The following LRRC37A2 variants were observed in gnomAD, a reference collection of about 807,000 sequenced individuals.
The protein encoded by LRRC37A2 is leucine rich repeat containing 37 member A2, also known as leucine-rich repeat-containing protein 37A2.
LRRC37A2 carries 9 observed loss-of-function variants against 68.8 expected under a neutral mutation model. The observed-to-expected ratio is 0.13, with a 90% CI of 0.08 to 0.23. LRRC37A2 has a LOEUF of 0.23. Ranked by LOEUF, LRRC37A2 falls within the 10% of genes least tolerant of loss-of-function variation. The pLI is 1.00. For synonymous variants in LRRC37A2, 63 were observed against 367.6 expected (o/e 0.17, Z 9.48); for missense variants, 168 against 950.4 (o/e 0.18, Z 10.82).
At chr17:46,458,721 A>C in the LRRC37A2 span, among the ~76,000 whole-genome samples, 1 of 104,986 alleles carries the variant, frequency 9.5e-6, no homozygotes, top group East Asian at 2.4e-4. Flanking sequence ...TTGTATTTTT[A>C]CTAGAGATGG....
the LRRC37A2 span, chr17:46,768,426 G>C: frequency 6.2e-7 from 1 of 1,613,856 alleles, no homozygotes; most frequent in Non-Finnish European, 8.5e-7. This position sits in a 1 kb window ranked among gnomAD's most constrained non-coding sequence, Gnocchi z 5.0. Flanking sequence ...CTCCGTCCTC[G>C]TGTTGTGGCC....
At chr17:47,030,085 A>C in the LRRC37A2 span, among the ~76,000 whole-genome samples, 25 of 49,548 alleles carry the variant, frequency 5.0e-4, no homozygotes, top group African/African-American at 1.3e-3. Context: ...TAATAATAAT[A>C]ATAATCATCA....
chr17:46,728,773 CAA>C, the LRRC37A2 span: 1,020 of 713,482 alleles, frequency 1.4e-3, no homozygotes, highest in South Asian at 3.0e-3. Flanking sequence ...ACTTTTGATG[CAA>C]AAAAAAAAAA....
At chr17:46,782,671 C>G in the LRRC37A2 span, among the ~76,000 whole-genome samples, 1 of 152,182 alleles carries the variant, frequency 6.6e-6, no homozygotes. Flanking sequence ...GGGGCTGGGC[C>G]TGGTGGGCTC....
chr17:46,788,435 T>C, the LRRC37A2 span, among the ~76,000 whole-genome samples: 1 of 152,134 alleles, frequency 6.6e-6, no homozygotes, highest in Admixed American at 6.5e-5. Flanking sequence ...CACATTGCTA[T>C]ACCCTTCAAG....
At chr17:46,704,057 C>T in the LRRC37A2 span, among the ~76,000 whole-genome samples, 1 of 144,280 alleles carries the variant, frequency 6.9e-6, no homozygotes, top group Non-Finnish European at 1.5e-5. Flanking sequence ...AATAATATTC[C>T]ATTGTATGTA....
the LRRC37A2 span, among the ~76,000 whole-genome samples, chr17:46,946,179 T>A: frequency 6.6e-6 from 1 of 150,724 alleles, no homozygotes. Flanking sequence ...CTCATGCCTG[T>A]AATCCCAGCA....
At chr17:46,944,669 G>A in the LRRC37A2 span, among the ~76,000 whole-genome samples, 5 of 150,666 alleles carry the variant, frequency 3.3e-5, no homozygotes, top group African/African-American at 4.9e-5. Context: ...GTGCAATCTC[G>A]GCTCACTGCA....
chr17:46,771,691 C>T, the LRRC37A2 span, among the ~76,000 whole-genome samples: 3 of 143,634 alleles, frequency 2.1e-5, no homozygotes, highest in Admixed American at 6.8e-5. Flanking sequence ...GGGCGGCTCC[C>T]GCGGCCGGGC....
At chr17:46,812,260 G>A in the LRRC37A2 span, among the ~76,000 whole-genome samples, 1 of 152,176 alleles carries the variant, frequency 6.6e-6, no homozygotes, top group Non-Finnish European at 1.5e-5. Context: ...ACAGCCAAAG[G>A]GACAGGGAGG....
At chr17:46,946,289 AAAAAAAAAAAAAAG>A in the LRRC37A2 span, among the ~76,000 whole-genome samples, 1 of 50,180 alleles carries the variant, frequency 2.0e-5, no homozygotes, top group Admixed American at 2.5e-4. Context: ...TACCAAAAAA[AAAAAAAAAAAAAAG>A]AAAAGAAAAA....
the LRRC37A2 span, chr17:46,963,610 T>A: frequency 4.9e-4 from 74 of 151,996 alleles, no homozygotes; most frequent in African/African-American, 1.7e-3. Context: ...ACACACTTCA[T>A]AACAAGCACT....
At chr17:46,945,404 G>T in the LRRC37A2 span, among the ~76,000 whole-genome samples, 1 of 152,276 alleles carries the variant, frequency 6.6e-6, no homozygotes, top group East Asian at 1.9e-4. Context: ...ATCTTTTGAG[G>T]TGCAACGTAG....
At chr17:46,502,939 G>A in the LRRC37A2 span, among the ~76,000 whole-genome samples, 3,054 of 150,384 alleles carry the variant, frequency 0.02, 286 homozygotes, top group African/African-American at 0.073. Flanking sequence ...ATTGCCAGGC[G>A]TGGTGGCTCA....
At chr17:46,493,886 C>T in the LRRC37A2 span, among the ~76,000 whole-genome samples, 1 of 150,802 alleles carries the variant, frequency 6.6e-6, no homozygotes, top group Non-Finnish European at 1.5e-5. Flanking sequence ...CGCTGGAGTG[C>T]AGTGGCATGA....
At chr17:46,791,450 G>A in the LRRC37A2 span, among the ~76,000 whole-genome samples, 47 of 151,988 alleles carry the variant, frequency 3.1e-4, no homozygotes, top group Non-Finnish European at 5.4e-4. Context: ...CAAGTGATCC[G>A]CCCGCCTCAG....
chr17:46,717,692 A>T, the LRRC37A2 span, among the ~76,000 whole-genome samples: 2,029 of 152,316 alleles, frequency 0.013, 48 homozygotes, highest in African/African-American at 0.046. Flanking sequence ...AGCCTGGGCG[A>T]CAGAGCAAGA....
chr17:46,839,691 C>CCG, the LRRC37A2 span, among the ~76,000 whole-genome samples: 1 of 151,984 alleles, frequency 6.6e-6, no homozygotes, highest in Non-Finnish European at 1.5e-5. Context: ...CAGTCCCCCC[C>CCG]GCCAAGAGGC....
chr17:46,946,874 A>G, the LRRC37A2 span, among the ~76,000 whole-genome samples: 1 of 152,228 alleles, frequency 6.6e-6, no homozygotes, highest in Non-Finnish European at 1.5e-5. Context: ...ATTTTAAAAA[A>G]ACAAAAATTA....
Sources: gnomAD v4.1 joint callset for allele counts (sites outside exome capture counted in the v4.1 genomes callset) on GRCh38, gnomAD v4.1.1 for gene constraint, Gnocchi (gnomAD v3.1) non-coding constraint, MANE v1.5 for transcripts, NCBI Gene and HGNC (gene_info 2026-07-23, HGNC 2026-07-21) for gene names.